DMXL2: variants seen among roughly 807,000 people sequenced by gnomAD.
The protein encoded by DMXL2 is dmX-like protein 2.
In DMXL2, 103 loss-of-function variants were observed where a neutral mutation model predicts 331.1. The observed-to-expected ratio is 0.31, with a 90% CI of 0.27 to 0.37. DMXL2 has a LOEUF of 0.37. Ranked by LOEUF, DMXL2 falls within the 10% of genes least tolerant of loss-of-function variation. The probability of loss-of-function intolerance (pLI) is 1.00; values close to 1 mark genes in which losing one functional copy is unlikely to be tolerated. For missense variants in DMXL2, 3,171 were observed against 3,642.9 expected, an observed-to-expected ratio of 0.87 and a Z score of 3.33; for synonymous variants, 1,281 against 1,252.1, an observed-to-expected ratio of 1.02 and a Z score of -0.49.
chr15:51,553,667 G>A (rs1017223958), intron 6 of DMXL2, among the ~76,000 whole-genome samples: 3 of 151,824 alleles, frequency 2.0e-5, no homozygotes, highest in Non-Finnish European at 4.4e-5. Flanking sequence ...AAGACCTTAT[G>A]ACCATCTACA....
At chr15:51,597,919 C>T (rs923970828) in intron 1 of DMXL2, among the ~76,000 whole-genome samples, 3 of 152,158 alleles carry the variant, frequency 2.0e-5, no homozygotes, top group East Asian at 1.9e-4. Context: ...AAATATTTAC[C>T]GGTCATTTAG....
chr15:51,593,857 T>C (rs1360448020), intron 1 of DMXL2, among the ~76,000 whole-genome samples: 2 of 152,192 alleles, frequency 1.3e-5, no homozygotes, highest in Non-Finnish European at 2.9e-5. Flanking sequence ...AAGATGTTCT[T>C]TGAAACCAAT....
Position 51,450,572 on chromosome 15 carries a change from A to G in DMXL2, c.8750-226T>C. On this transcript the variant is annotated intron_variant, in intron 42 of 43. Coordinates refer to ENST00000560891, the MANE Select transcript of DMXL2 (RefSeq NM_001378457.1). ...CATAATCTCAATATGAAATGAACAC[A>G]GAGAGAAAAAGAAAGTTTAAACCTT... The G allele has an allele frequency of 5.9e-6, 3 of 511,460 alleles. No individual in the cohort carries two copies. In the East Asian group the frequency reaches 1.1e-4, roughly 19 times the overall value. The allele number at this position is 511,460 out of a possible 1,614,324, so 31.7% of individuals were successfully genotyped here.
At chr15:51,573,993 A>G (rs1163341184) in intron 2 of DMXL2, among the ~76,000 whole-genome samples, 2 of 152,264 alleles carry the variant, frequency 1.3e-5, no homozygotes, top group African/African-American at 4.8e-5. Context: ...AATCTATGAG[A>G]AAAGCATCAA....
At chr15:51,520,663 C>T (rs1476767998) in intron 13 of DMXL2, among the ~76,000 whole-genome samples, 1 of 152,052 alleles carries the variant, frequency 6.6e-6, no homozygotes, top group African/African-American at 2.4e-5. Context: ...TTGAGACCAG[C>T]CTGGCCAACA....
chr15:51,461,289 G>C (rs148716733), intron 33 of DMXL2, among the ~76,000 whole-genome samples: 1 of 152,200 alleles, frequency 6.6e-6, no homozygotes, highest in Non-Finnish European at 1.5e-5. Flanking sequence ...GGGGCGGAGA[G>C]GGGGAGAATT....
At chr15:51,553,191 C>A (rs976634221) in intron 6 of DMXL2, among the ~76,000 whole-genome samples, 4 of 152,126 alleles carry the variant, frequency 2.6e-5, no homozygotes, top group African/African-American at 9.7e-5. Flanking sequence ...GAAATTAAGT[C>A]CTATAAGAAC....
chr15:51,574,944 G>C (rs182955525), intron 2 of DMXL2, among the ~76,000 whole-genome samples: 1 of 152,264 alleles, frequency 6.6e-6, no homozygotes, highest in East Asian at 1.9e-4. Context: ...TACCTTGCTT[G>C]GCCTAGAGAG....
intron 32 of DMXL2, among the ~76,000 whole-genome samples, chr15:51,464,092 T>C (rs892960664): frequency 6.6e-6 from 1 of 152,170 alleles, no homozygotes; most frequent in Non-Finnish European, 1.5e-5. Context: ...AAAAATTCTG[T>C]AAGAGTTCTG....
intron 26 of DMXL2, 149 bp from the exon 27 acceptor site, chr15:51,476,868 T>A: frequency 1.7e-6 from 1 of 575,992 alleles, no homozygotes; most frequent in Non-Finnish European, 2.7e-6. Context: ...TTTAGAAAAT[T>A]ACTGAAATTA....
intron 1 of DMXL2, among the ~76,000 whole-genome samples, chr15:51,593,344 G>C (rs560352507): frequency 0.015 from 2,309 of 152,180 alleles, 45 homozygotes; most frequent in Non-Finnish European, 0.016. Context: ...GTAAAGGGCT[G>C]AATTCAACAA....
chr15:51,500,051 CCTT>C lies in DMXL2; in HGVS notation c.3170_3172del (p.Glu1057del), dbSNP rs747918100. The stretch of plus-strand genomic sequence containing the variant: ...GCTCACTGTACTGCTATTATCTTCT[CCTT>C]CATCATTCATCAAAGGCCATCTCTT... On this transcript the variant is annotated inframe_deletion, in exon 18 of 44. Transcript: ENST00000560891. The C allele has an allele frequency of 1.6e-5, 26 of 1,614,018 alleles. No homozygotes were observed. Among genetic ancestry groups the C allele is most frequent in the Admixed American group, 3.3e-5 (2 of 59,998 alleles).
At chr15:51,452,116 C>T (rs1023357457) in intron 41 of DMXL2, among the ~76,000 whole-genome samples, 5 of 152,072 alleles carry the variant, frequency 3.3e-5, no homozygotes, top group Non-Finnish European at 7.4e-5. Flanking sequence ...TCCCTGAATC[C>T]TCATCTCTCA....
At chr15:51,488,718 C>T (rs936791732) in intron 20 of DMXL2, 73 bp from the exon 21 acceptor site, 1 of 1,299,394 alleles carries the variant, frequency 7.7e-7, no homozygotes, top group Non-Finnish European at 1.1e-6. Context: ...CAATAATGTT[C>T]CCCTGCTACT....
chr15:51,600,772 T>C (rs1427323605), intron 1 of DMXL2, among the ~76,000 whole-genome samples: 1 of 152,156 alleles, frequency 6.6e-6, no homozygotes, highest in Admixed American at 6.5e-5. Flanking sequence ...ATAAGTTTCC[T>C]GTGAGAAGAA....
At chr15:51,515,722 T>C (rs1338502179) in intron 14 of DMXL2, among the ~76,000 whole-genome samples, 1 of 152,130 alleles carries the variant, frequency 6.6e-6, no homozygotes, top group African/African-American at 2.4e-5. Flanking sequence ...GGAAAAAGTG[T>C]TGAGCAAATA....
chr15:51,486,401 C>T (rs2042397701), intron 22 of DMXL2, 64 bp from the exon 23 acceptor site: 1 of 1,198,338 alleles, frequency 8.3e-7, no homozygotes, highest in East Asian at 2.5e-5. Context: ...ATGAAATATC[C>T]CATCAATACC....
At chr15:51,617,426 A>C (rs2054357118) in intron 1 of DMXL2, among the ~76,000 whole-genome samples, 1 of 152,218 alleles carries the variant, frequency 6.6e-6, no homozygotes, top group Non-Finnish European at 1.5e-5. Context: ...CCAAAGACTC[A>C]TTCCTAGACC....
At chr15:51,496,007 T>C (rs1252620971) in intron 18 of DMXL2, among the ~76,000 whole-genome samples, 1 of 152,072 alleles carries the variant, frequency 6.6e-6, no homozygotes, top group African/African-American at 2.4e-5. Flanking sequence ...CAACCTAATA[T>C]GTATCTATTT....
Sources: gnomAD v4.1 joint callset for allele counts (sites outside exome capture counted in the v4.1 genomes callset) on GRCh38, gnomAD v4.1.1 for gene constraint, MANE v1.5 for transcripts, NCBI Gene and HGNC (gene_info 2026-07-23, HGNC 2026-07-21) for gene names.